The following PALS1 variants were observed in gnomAD, a reference collection of about 807,000 sequenced individuals.
PALS1 encodes protein PALS1.
In PALS1, 31 loss-of-function variants were observed where a neutral mutation model predicts 78.9. That is an observed-to-expected ratio of 0.39 (90% CI 0.30 to 0.53). The LOEUF (loss-of-function observed/expected upper bound fraction) is 0.53, where lower values mean the gene tolerates loss of function less well. PALS1 is among the 20% of genes least tolerant of loss of function. The pLI is 0.67. For missense variants in PALS1, 704 were observed against 826.5 expected (o/e 0.85, Z 1.82); for synonymous variants, 276 against 270.9 (o/e 1.02, Z -0.18).
At position 67,320,315 on chromosome 14, in the gene PALS1, T is replaced by A. The variant is rs764922262; in HGVS notation, c.1455T>A (p.Ile485=). ...ATAGGAAGAGACCTATCATCTTGAT[T>A]GGTCCACAGAACTGTGGCCAGAATG... ...PANRKRPIIL[I]GPQNCGQNEL... Residue 485 remains isoleucine, a synonymous_variant, in exon 12 of 15, where the codon ATT becomes ATA. Transcript: ENST00000261681. The A allele has an allele frequency of 3.1e-6, 5 of 1,613,792 alleles. No homozygotes were observed. Among genetic ancestry groups the A allele is most frequent in the Non-Finnish European group, 4.2e-6 (5 of 1,179,840 alleles).
chr14:67,243,927 G>A (rs193013180), intron 1 of PALS1, among the ~76,000 whole-genome samples: 162 of 152,280 alleles, frequency 1.1e-3, no homozygotes, highest in African/African-American at 3.7e-3. Flanking sequence ...TAAGTAATCC[G>A]TAGTCTGACT....
At chr14:67,260,345 T>C (rs888508502) in intron 1 of PALS1, among the ~76,000 whole-genome samples, 1 of 152,194 alleles carries the variant, frequency 6.6e-6, no homozygotes, top group Admixed American at 6.5e-5. Flanking sequence ...ACAACCCTCC[T>C]CTCTCTCATT....
chr14:67,266,362 G>T (rs1411933803), intron 1 of PALS1, among the ~76,000 whole-genome samples: 1 of 152,112 alleles, frequency 6.6e-6, no homozygotes, highest in South Asian at 2.1e-4. Flanking sequence ...GTCTCACTCT[G>T]TTGCCCAGTC....
In PALS1 at chr14:67,279,279, G is replaced by T. The variant is rs767004220; in HGVS notation, c.109G>T (p.Val37Phe). The T allele has an allele frequency of 2.0e-5, 32 of 1,614,042 alleles. No individual in the cohort carries two copies. Among genetic ancestry groups the T allele is most frequent in the Non-Finnish European group, 2.6e-5 (31 of 1,179,990 alleles). ...ACATCAGAAGCACCGAGAGATGGCT[G>T]TTGACTGCCCTGGAGATTTGGGCAC... ...EEHQKHREMA[V>F]DCPGDLGTRM... Residue 37 changes from valine (V) to phenylalanine (F), a missense_variant, in exon 3 of 15, where the codon GTT becomes TTT. Physicochemically the swap from Val to Phe is conservative, Grantham distance 50. Coordinates refer to ENST00000261681, the MANE Select transcript of PALS1 (RefSeq NM_022474.4).
At chr14:67,316,928 G>C in intron 10 of PALS1, 25 bp downstream of exon 10, 2 of 1,580,174 alleles carry the variant, frequency 1.3e-6, no homozygotes, top group Non-Finnish European at 8.6e-7. Context: ...TTTGACATAA[G>C]TAAATGGTTT....
At chr14:67,306,043 C>T (rs758668700) in intron 8 of PALS1, among the ~76,000 whole-genome samples, 28 of 152,302 alleles carry the variant, frequency 1.8e-4, no homozygotes, top group Non-Finnish European at 3.4e-4. Flanking sequence ...CATCTGGGCT[C>T]ACTGCAACCT....
At position 67,332,968 on chromosome 14, in the gene PALS1, A is replaced by C; in HGVS notation, c.*12A>C. On this transcript the variant is annotated 3_prime_UTR_variant, in exon 15 of 15. Coordinates refer to ENST00000261681, the MANE Select transcript of PALS1 (RefSeq NM_022474.4). ...CTTGGCTGAGGTGAAAGAAACATCC[A>C]TTCTGTGGCATGTTGGACTTGATCT... is the stretch of plus-strand genomic sequence containing the variant. The C allele has an allele frequency of 1.3e-6, 2 of 1,593,030 alleles. No homozygotes were observed. The highest frequency in any genetic ancestry group is 1.7e-6 in the Non-Finnish European group (2 of 1,164,578).
Position 67,333,025 on chromosome 14 carries a change from C to G in PALS1, c.*69C>G. On this transcript the variant is annotated 3_prime_UTR_variant, in exon 15 of 15. Coordinates refer to ENST00000261681, the MANE Select transcript of PALS1 (RefSeq NM_022474.4). ...AACTGCCAATAGGAGGACTGCCCGA[C>G]ACTGCAGCAAGATTGAGGATAAGAT... 1 of 1,358,838 alleles carries G rather than the reference C, an allele frequency of 7.4e-7. No homozygotes were observed. The highest frequency in any genetic ancestry group is 1.0e-6 in the Non-Finnish European group (1 of 974,026). 84.2% of individuals were successfully genotyped at this position (1,358,838 alleles called of 1,614,324 possible). A position where few individuals can be genotyped will look rare whatever the true frequency, so the allele number is the denominator to read the frequency against.
At chr14:67,260,195 T>G (rs1249481625) in intron 1 of PALS1, among the ~76,000 whole-genome samples, 1 of 152,222 alleles carries the variant, frequency 6.6e-6, no homozygotes, top group Admixed American at 6.5e-5. Flanking sequence ...TTGATTTAAC[T>G]GTATTCGTAA....
At chr14:67,258,968 G>A (rs371294086) in intron 1 of PALS1, among the ~76,000 whole-genome samples, 4 of 151,508 alleles carry the variant, frequency 2.6e-5, no homozygotes, top group East Asian at 3.9e-4. Flanking sequence ...TCACCCTCCC[G>A]AGTAGCTGGG....
chr14:67,321,106 C>G lies in PALS1; in HGVS notation c.1587C>G (p.His529Gln), dbSNP rs1413380408. ...RDQEVAGRDYHFVSRQAFEAD... is the reference protein window; with the variant it reads ...RDQEVAGRDYQFVSRQAFEAD... ...AAGAAGTAGCCGGTAGAGATTACCA[C>G]TTTGTTTCGCGGCAAGCATTCGAGG... is the stretch of plus-strand genomic sequence containing the variant. Residue 529 changes from histidine to glutamine, a missense_variant, in exon 13 of 15, where the codon CAC becomes CAG. Transcript: ENST00000261681. 6.2e-7 allele frequency: 1 copy of G among 1,614,152 alleles called. No individual in the cohort carries two copies. The highest frequency in any genetic ancestry group is 1.7e-5 in the Admixed American group (1 of 60,008).
At chr14:67,254,602 C>T (rs1663980145) in intron 1 of PALS1, among the ~76,000 whole-genome samples, 1 of 152,146 alleles carries the variant, frequency 6.6e-6, no homozygotes. Flanking sequence ...TCCTGAAATA[C>T]TCTCTACTGT....
intron 9 of PALS1, among the ~76,000 whole-genome samples, chr14:67,313,413 G>T (rs1393948037): frequency 6.6e-6 from 1 of 152,152 alleles, no homozygotes; most frequent in Non-Finnish European, 1.5e-5. Flanking sequence ...AGGCTATGTG[G>T]TATAGCCTAT....
At chr14:67,330,360 A>C (rs568124450) in intron 14 of PALS1, among the ~76,000 whole-genome samples, 6 of 151,838 alleles carry the variant, frequency 4.0e-5, no homozygotes, top group Admixed American at 3.9e-4. Flanking sequence ...TGAAATTATA[A>C]ATTTCCCTCG....
intron 3 of PALS1, among the ~76,000 whole-genome samples, chr14:67,289,934 C>CT (rs1349033325): frequency 1.3e-5 from 2 of 151,934 alleles, no homozygotes; most frequent in Admixed American, 6.6e-5. Context: ...CCACGCCCGG[C>CT]TAATTTTTTA....
At chr14:67,268,692 G>A (rs2140562203) in intron 1 of PALS1, among the ~76,000 whole-genome samples, 1 of 152,284 alleles carries the variant, frequency 6.6e-6, no homozygotes, top group African/African-American at 2.4e-5. Flanking sequence ...CATATAGTGA[G>A]CAGTGAGCAC....
At chr14:67,296,585 CAAAAAAAAA>C (rs374329692) in intron 4 of PALS1, among the ~76,000 whole-genome samples, 7 of 51,000 alleles carry the variant, frequency 1.4e-4, no homozygotes, top group Non-Finnish European at 2.6e-4. Flanking sequence ...AACTCTGTCT[CAAAAAAAAA>C]AAAAAAAAAA....
intron 1 of PALS1, among the ~76,000 whole-genome samples, chr14:67,255,149 CA>C (rs879416389): frequency 1.7e-3 from 228 of 137,520 alleles, no homozygotes; most frequent in Admixed American, 2.7e-3. Context: ...CTCCATCTCT[CA>C]AAAAAAAAAA....
intron 3 of PALS1, among the ~76,000 whole-genome samples, chr14:67,285,571 G>A (rs112965143): frequency 0.027 from 4,031 of 149,380 alleles, 160 homozygotes; most frequent in African/African-American, 0.093. Flanking sequence ...GGGTTTCACC[G>A]TGTTAGCCAG....
Sources: gnomAD v4.1 joint callset for allele counts (sites outside exome capture counted in the v4.1 genomes callset) on GRCh38, gnomAD v4.1.1 for gene constraint, MANE v1.5 for transcripts, NCBI Gene and HGNC (gene_info 2026-07-23, HGNC 2026-07-21) for gene names.